PCDH10: variants seen among roughly 807,000 people sequenced by gnomAD.
PCDH10 encodes the protein protocadherin-10.
Under a neutral mutation model 74.4 loss-of-function variants are expected in PCDH10, and 15 were observed. The ratio of observed to expected loss-of-function variants is 0.20; its 90% CI spans 0.13 to 0.31. PCDH10 has a LOEUF of 0.31. Ranked by LOEUF, PCDH10 falls within the 10% of genes least tolerant of loss-of-function variation. The probability of loss-of-function intolerance (pLI) is 1.00; values close to 1 mark genes in which losing one functional copy is unlikely to be tolerated. For missense variants in PCDH10, 1,260 were observed against 1,390.2 expected, an observed-to-expected ratio of 0.91 and a Z score of 1.49; for synonymous variants, 619 against 589.8, an observed-to-expected ratio of 1.05 and a Z score of -0.72.
At chr4:133,175,989 G>A (rs1002474117) in intron 4 of PCDH10, among the ~76,000 whole-genome samples, 3 of 152,062 alleles carry the variant, frequency 2.0e-5, no homozygotes, top group East Asian at 1.9e-4. Flanking sequence ...CACCTGGTTG[G>A]ATGTGGTATA....
intron 1 of PCDH10, 44 bp downstream of exon 1, chr4:133,152,815 C>T (rs1359753235): frequency 6.2e-7 from 1 of 1,611,954 alleles, no homozygotes; most frequent in Admixed American, 1.7e-5. Flanking sequence ...TCTCCTCCAT[C>T]AGAAAGCCTC....
At position 133,149,304 on chromosome 4, in the gene PCDH10, A is replaced by C. The variant is rs1375054432; in HGVS notation, c.-837A>C. ...GAGCGCTCGGAGCTCAGAAACTGCCAGCCCAGACCACAGGCTCAGAGGCTG... is the reference window on the plus strand; with the variant it reads ...GAGCGCTCGGAGCTCAGAAACTGCCCGCCCAGACCACAGGCTCAGAGGCTG... On this transcript the variant is annotated 5_prime_UTR_variant, in exon 1 of 5. Coordinates refer to ENST00000264360, the MANE Select transcript of PCDH10 (RefSeq NM_032961.3). The C allele has an allele frequency of 6.6e-6, 1 of 152,466 alleles. No individual in the cohort carries two copies. Among genetic ancestry groups the C allele is most frequent in the African/African-American group, 2.4e-5 (1 of 41,474 alleles). The allele number at this position is 152,466 out of a possible 1,614,324, so 9.4% of individuals were successfully genotyped here.
intron 4 of PCDH10, among the ~76,000 whole-genome samples, chr4:133,189,372 T>A (rs544581914): frequency 4.1e-4 from 62 of 152,244 alleles, no homozygotes; most frequent in African/African-American, 1.5e-3. Context: ...AGTTTATGGA[T>A]AAGGGAAGAA....
At chr4:133,182,122 G>A (rs1363100996) in intron 4 of PCDH10, among the ~76,000 whole-genome samples, 2 of 152,080 alleles carry the variant, frequency 1.3e-5, no homozygotes, top group East Asian at 3.9e-4. Flanking sequence ...CACATCACAA[G>A]TAGCTGGAGT....
At chr4:133,199,784 T>TTAC (rs1278925307) in intron 2 of PCDH10, among the ~76,000 whole-genome samples, 1 of 141,926 alleles carries the variant, frequency 7.0e-6, no homozygotes. Context: ...ATTATTATTA[T>TTAC]TACTATTATT....
At chr4:133,199,570 G>A (rs1379846142), downstream of PCDH10, among the ~76,000 whole-genome samples, 1 of 149,796 alleles carries the variant, frequency 6.7e-6, no homozygotes, top group Non-Finnish European at 1.5e-5. Context: ...TGATGATGAC[G>A]GATGTTTTCT....
chr4:133,158,383 C>T (rs897928056), intron 3 of PCDH10, among the ~76,000 whole-genome samples: 3 of 151,842 alleles, frequency 2.0e-5, no homozygotes, highest in South Asian at 2.1e-4. Context: ...TTTTTAATAC[C>T]TTGTGCCTTT....
intron 4 of PCDH10, among the ~76,000 whole-genome samples, chr4:133,180,745 A>T (rs958151339): frequency 6.6e-6 from 1 of 151,966 alleles, no homozygotes; most frequent in African/African-American, 2.4e-5. Flanking sequence ...TTTGCTATGT[A>T]ATTAAATGTT....
rs932345227 is a variant in PCDH10, at chr4:133,193,585, CTT to C, written c.*3427_*3428del. 1.5e-4 allele frequency: 23 copies of C among 151,680 alleles called. 1 individual carries two copies. The highest frequency in any genetic ancestry group is 1.5e-3 in the Admixed American group (23 of 15,184). 9.4% of individuals were successfully genotyped at this position (151,680 alleles called of 1,614,324 possible). On this transcript the variant is annotated 3_prime_UTR_variant, in exon 5 of 5. Transcript: ENST00000264360. ...CATTATTTACTGGAGCTCAGTTAGTCTTTAAAACAATTACTCAGGCAGAGTGT... is the reference window on the plus strand; with the variant it reads ...CATTATTTACTGGAGCTCAGTTAGTCTAAAACAATTACTCAGGCAGAGTGT...
At chr4:133,205,556 C>T (rs1400099207) in intron 2 of PCDH10, among the ~76,000 whole-genome samples, 1 of 152,048 alleles carries the variant, frequency 6.6e-6, no homozygotes, top group Admixed American at 6.6e-5. Context: ...AAATCCAAGC[C>T]TTTCAACTTT....
At position 133,193,128 on chromosome 4, in the gene PCDH10, T is replaced by C. The variant is rs1399810934; in HGVS notation, c.*2968T>C. 6.6e-6 allele frequency: 1 copy of C among 151,716 alleles called. No homozygotes were observed. Among genetic ancestry groups the C allele is most frequent in the Non-Finnish European group, 1.5e-5 (1 of 67,660 alleles). 9.4% of individuals were successfully genotyped at this position (151,716 alleles called of 1,614,324 possible). Reference sequence around the variant, plus strand: ...AGTGTCTTAATGTTTCAAAGGTATGTCAAAAGACAATTTTTAGAAAATATT... The same window carrying C: ...AGTGTCTTAATGTTTCAAAGGTATGCCAAAAGACAATTTTTAGAAAATATT... On this transcript the variant is annotated 3_prime_UTR_variant, in exon 5 of 5. Coordinates refer to ENST00000264360, the MANE Select transcript of PCDH10 (RefSeq NM_032961.3).
At chr4:133,203,812 C>T (rs1727950711) in intron 2 of PCDH10, among the ~76,000 whole-genome samples, 1 of 152,174 alleles carries the variant, frequency 6.6e-6, no homozygotes, top group Admixed American at 6.5e-5. Context: ...TAGCAGTCCA[C>T]CTGTGGACAG....
chr4:133,175,677 C>T (rs1423603042), intron 4 of PCDH10, among the ~76,000 whole-genome samples: 1 of 152,102 alleles, frequency 6.6e-6, no homozygotes. Context: ...AGTGACCACA[C>T]ATGGCCCAAT....
At chr4:133,199,037 T>C (rs1435852221), downstream of PCDH10, among the ~76,000 whole-genome samples, 2 of 151,938 alleles carry the variant, frequency 1.3e-5, no homozygotes, top group East Asian at 3.9e-4. Context: ...ATCCCAGCAC[T>C]TTAGGAGGAT....
At chr4:133,199,089 C>T (rs1727850129), downstream of PCDH10, among the ~76,000 whole-genome samples, 1 of 151,684 alleles carries the variant, frequency 6.6e-6, no homozygotes, top group South Asian at 2.1e-4. Context: ...GGAGACCAGC[C>T]TGGGTAACAT....
intron 3 of PCDH10, among the ~76,000 whole-genome samples, chr4:133,159,628 C>G (rs1288756823): frequency 6.6e-6 from 1 of 151,890 alleles, no homozygotes; most frequent in Non-Finnish European, 1.5e-5. Context: ...AAAATCCAGA[C>G]TACACCACCA....
chr4:133,153,291 T>C (rs1375974276), intron 1 of PCDH10: 3 of 1,005,736 alleles, frequency 3.0e-6, no homozygotes, highest in Admixed American at 5.5e-5. Context: ...GTGAACAAGT[T>C]ACCAGATCCT....
chr4:133,204,953 A>G (rs1289286168), intron 2 of PCDH10, among the ~76,000 whole-genome samples: 1 of 152,206 alleles, frequency 6.6e-6, no homozygotes. Flanking sequence ...CTGTGGGAGA[A>G]AAGCTTTGTG....
intron 4 of PCDH10, among the ~76,000 whole-genome samples, chr4:133,175,687 T>C (rs974357373): frequency 2.0e-5 from 3 of 152,138 alleles, no homozygotes; most frequent in Non-Finnish European, 4.4e-5. Context: ...CATGGCCCAA[T>C]GCATCCTCAT....
Sources: gnomAD v4.1 joint callset for allele counts (sites outside exome capture counted in the v4.1 genomes callset) on GRCh38, gnomAD v4.1.1 for gene constraint, MANE v1.5 for transcripts, NCBI Gene and HGNC (gene_info 2026-07-23, HGNC 2026-07-21) for gene names.